ATP11A: variants seen among roughly 807,000 people sequenced by gnomAD.
ATP11A encodes phospholipid-transporting ATPase IH.
Under a neutral mutation model 154.4 loss-of-function variants are expected in ATP11A, and 81 were observed. The ratio of observed to expected loss-of-function variants is 0.52; its 90% CI spans 0.44 to 0.63. The LOEUF is 0.63. ATP11A is among the 30% of genes least tolerant of loss of function. ATP11A has a pLI of 0.00. For synonymous variants in ATP11A, 623 were observed against 585.9 expected, an observed-to-expected ratio of 1.06 and a Z score of -0.91; for missense variants, 1,316 against 1,474.3, an observed-to-expected ratio of 0.89 and a Z score of 1.76.
At chr13:112,799,431 G>C (rs752124302) in intron 2 of ATP11A, among the ~76,000 whole-genome samples, 3 of 152,062 alleles carry the variant, frequency 2.0e-5, no homozygotes, top group Non-Finnish European at 4.4e-5. Flanking sequence ...AGGTGGGGCA[G>C]TTCTATAGGA....
chr13:112,867,243 A>G (rs1375750780), intron 25 of ATP11A, among the ~76,000 whole-genome samples: 4 of 152,222 alleles, frequency 2.6e-5, no homozygotes, highest in Non-Finnish European at 1.5e-5. Flanking sequence ...AAAGCTGAGG[A>G]AAGAGAAGTT....
At chr13:112,786,832 C>T (rs947245595) in intron 2 of ATP11A, among the ~76,000 whole-genome samples, 9 of 152,344 alleles carry the variant, frequency 5.9e-5, no homozygotes, top group Non-Finnish European at 1.3e-4. Context: ...GGTGTCCTGC[C>T]GTGTAAACTT....
chr13:112,805,688 A>G (rs548591308), intron 3 of ATP11A, among the ~76,000 whole-genome samples: 8 of 151,676 alleles, frequency 5.3e-5, no homozygotes, highest in Non-Finnish European at 1.0e-4. Flanking sequence ...AAAAAAAAAA[A>G]AGAGAAAGAA....
intron 27 of ATP11A, among the ~76,000 whole-genome samples, chr13:112,874,490 C>T (rs1013126690): frequency 1.4e-4 from 22 of 152,216 alleles, no homozygotes; most frequent in Admixed American, 4.6e-4. Flanking sequence ...CAGGAAACGA[C>T]GCTGAGTGGT....
rs868262489 is a variant in ATP11A at position 112,798,947 on chromosome 13, G to A, written c.163-6010G>A. Among the ~76,000 whole-genome samples, 5 of 152,128 alleles carry A rather than the reference G, an allele frequency of 3.3e-5. No homozygotes were observed. In the South Asian group the frequency reaches 1.0e-3, roughly 31 times the overall value. ...AAAGGCACTTTAAATATAAAAACACGGGTTTAAGAGATAGAGGAAGATGTA... is the reference window on the plus strand; with the variant it reads ...AAAGGCACTTTAAATATAAAAACACAGGTTTAAGAGATAGAGGAAGATGTA... On this transcript the variant is annotated intron_variant, in intron 2 of 29. Coordinates refer to ENST00000375645, the MANE Select transcript of ATP11A (RefSeq NM_015205.3).
rs372424819 is a variant in ATP11A at position 112,720,986 on chromosome 13, C to T, written c.39+30531C>T. Among the ~76,000 whole-genome samples the T allele has an allele frequency of 1.8e-3, 278 of 152,154 alleles. 4 individuals carry two copies. Among genetic ancestry groups the T allele is most frequent in the African/African-American group, 6.3e-3 (261 of 41,516 alleles). On this transcript the variant is annotated intron_variant, in intron 1 of 29. Coordinates refer to ENST00000375645, the MANE Select transcript of ATP11A (RefSeq NM_015205.3). ...AGGGGTCCATTCTGTTAGTGGGGGC[C>T]GAGCTGGAATTTGGCTCTTGAAGTC...
chr13:112,769,599 C>T (rs2139935658), intron 1 of ATP11A, among the ~76,000 whole-genome samples: 1 of 152,348 alleles, frequency 6.6e-6, no homozygotes, highest in South Asian at 2.1e-4. Context: ...TCATGTGAAC[C>T]TCGACACCAC....
Position 112,859,912 on chromosome 13 carries a change from ACCT to A in ATP11A, c.2728-371_2728-369del. Among the ~76,000 whole-genome samples, 1 of 152,164 alleles carries A rather than the reference ACCT, an allele frequency of 6.6e-6. No homozygotes were observed. The highest frequency in any genetic ancestry group is 2.1e-4 in the South Asian group (1 of 4,820). ...CCCCGGGCATCTGCCCTAGATGGAC[ACCT>A]CCTTCTGTCACATGTGTGCTCAGTG... On this transcript the variant is annotated intron_variant, in intron 23 of 29. Transcript: ENST00000375645. The surrounding 1 kb of genome is among the most constrained non-coding windows in gnomAD (Gnocchi z 4.3).
At chr13:112,880,973 A>T (rs1002867083) in intron 29 of ATP11A, 1 of 992,216 alleles carries the variant, frequency 1.0e-6, no homozygotes, top group Non-Finnish European at 1.2e-6. Flanking sequence ...TAAAAGGCCC[A>T]TCAGGAAGGA....
At chr13:112,762,226 G>A (rs1013741925) in intron 1 of ATP11A, among the ~76,000 whole-genome samples, 10 of 152,144 alleles carry the variant, frequency 6.6e-5, no homozygotes, top group South Asian at 2.1e-4. Flanking sequence ...CTTCTGGGCC[G>A]GGTCCTGCTG....
intron 16 of ATP11A, among the ~76,000 whole-genome samples, chr13:112,839,186 C>G (rs1361591019): frequency 6.6e-6 from 1 of 152,186 alleles, no homozygotes; most frequent in African/African-American, 2.4e-5. Flanking sequence ...GATGTGAAAT[C>G]TCTCTTTTGG....
rs373771352 is a variant in ATP11A at position 112,838,721 on chromosome 13, C to T, written c.1705+2470C>T. ...GAGAATATCCCTATCCGCACTGGGACGCCTGTGGACCTCCTAGGGCCTCTC... is the reference window on the plus strand; with the variant it reads ...GAGAATATCCCTATCCGCACTGGGATGCCTGTGGACCTCCTAGGGCCTCTC... On this transcript the variant is annotated intron_variant, in intron 16 of 29. Coordinates refer to ENST00000375645, the MANE Select transcript of ATP11A (RefSeq NM_015205.3). The surrounding 1 kb of genome is among the most constrained non-coding windows in gnomAD (Gnocchi z 7.3). 9.2e-5 allele frequency among the ~76,000 whole-genome samples: 14 copies of T among 152,202 alleles called. No homozygotes were observed. Among genetic ancestry groups the T allele is most frequent in the South Asian group, 2.1e-4 (1 of 4,832 alleles).
chr13:112,741,011 C>G (rs1460782555), intron 1 of ATP11A, among the ~76,000 whole-genome samples: 2 of 152,232 alleles, frequency 1.3e-5, no homozygotes, highest in South Asian at 4.1e-4. Flanking sequence ...ACAAGCAAGG[C>G]ACAGCACGGG....
intron 2 of ATP11A, among the ~76,000 whole-genome samples, chr13:112,803,778 CCCTCCCCTCCCTGCCTTA>C (rs1312582154): frequency 6.6e-5 from 7 of 105,308 alleles, no homozygotes; most frequent in Non-Finnish European, 1.2e-4. Context: ...TCCTTCCTCT[CCCTCCCCTCCCTGCCTTA>C]CTTCCCCTCC....
chr13:112,831,138 A>G (rs764054486), intron 12 of ATP11A, among the ~76,000 whole-genome samples: 1 of 152,038 alleles, frequency 6.6e-6, no homozygotes, highest in Non-Finnish European at 1.5e-5. Flanking sequence ...CTCCCCACCC[A>G]TCCTCCTGAA....
chr13:112,770,048 C>T (rs747766369), intron 1 of ATP11A, among the ~76,000 whole-genome samples: 4 of 152,216 alleles, frequency 2.6e-5, no homozygotes, highest in Non-Finnish European at 4.4e-5. Context: ...CAATCCTGGA[C>T]GTGCTGTGGG....
At chr13:112,801,756 C>T (rs572708000) in intron 2 of ATP11A, among the ~76,000 whole-genome samples, 33 of 152,232 alleles carry the variant, frequency 2.2e-4, no homozygotes, top group Admixed American at 2.2e-3. Context: ...GTAAGGAAAA[C>T]GACAAAACTG....
At chr13:112,714,330 C>T (rs1026868112) in intron 1 of ATP11A, among the ~76,000 whole-genome samples, 19 of 150,178 alleles carry the variant, frequency 1.3e-4, no homozygotes, top group African/African-American at 3.5e-4. Flanking sequence ...TGGGGTGTTC[C>T]GCTGCAGCCA....
At position 112,862,415 on chromosome 13, in the gene ATP11A, C is replaced by T. The variant is rs369887183; in HGVS notation, c.2856-25C>T. The T allele has an allele frequency of 1.9e-5, 31 of 1,612,208 alleles. No homozygotes were observed. The African/African-American group carries it at 2.4e-4, about 13-fold the overall frequency. On this transcript the variant is annotated intron_variant, in intron 24 of 29. Coordinates refer to ENST00000375645, the MANE Select transcript of ATP11A (RefSeq NM_015205.3). The stretch of plus-strand genomic sequence containing the variant: ...CCGGGCCCTGATTCTCGAGGACACA[C>T]GCTGTGCACCTTTCTCCTCACCAGG...
Sources: allele counts gnomAD v4.1 joint callset (sites outside exome capture counted in the v4.1 genomes callset), GRCh38; gene constraint gnomAD v4.1.1; non-coding constraint Gnocchi (gnomAD v3.1); transcripts MANE v1.5; gene names NCBI Gene and HGNC (gene_info 2026-07-23, HGNC 2026-07-21).